CTNNA2: variants seen among roughly 807,000 people sequenced by gnomAD.
CTNNA2 encodes catenin alpha 2, also known as catenin alpha-2.
Under a neutral mutation model 101.0 loss-of-function variants are expected in CTNNA2, and 42 were observed. The observed-to-expected ratio is 0.42, with a 90% confidence interval of 0.32 to 0.54. The LOEUF (loss-of-function observed/expected upper bound fraction) is 0.54, where lower values mean the gene tolerates loss of function less well. CTNNA2 is among the 20% of genes least tolerant of loss of function. The pLI is 0.14. For missense variants in CTNNA2, 871 were observed against 1,223.1 expected (o/e 0.71, Z 4.29); for synonymous variants, 450 against 456.4 (o/e 0.99, Z 0.18).
chr2:79,896,984 G>A (rs1226143499), intron 6 of CTNNA2, among the ~76,000 whole-genome samples: 3 of 152,250 alleles, frequency 2.0e-5, no homozygotes, highest in Admixed American at 6.5e-5. Context: ...GACTTGCGCC[G>A]GATTGCTGAG....
intron 18 of CTNNA2, among the ~76,000 whole-genome samples, chr2:80,644,040 G>T (rs912405871): frequency 2.6e-5 from 4 of 152,126 alleles, no homozygotes. Flanking sequence ...ATTTTGGATA[G>T]GCAATAACTA....
intron 7 of CTNNA2, among the ~76,000 whole-genome samples, chr2:80,158,622 C>T (rs1245883333): frequency 6.6e-6 from 1 of 152,152 alleles, no homozygotes; most frequent in Admixed American, 6.6e-5. Flanking sequence ...TTAAGAATGT[C>T]ATACAGGCCG....
chr2:80,606,508 A>T (rs2149781270), intron 16 of CTNNA2, among the ~76,000 whole-genome samples: 1 of 151,854 alleles, frequency 6.6e-6, no homozygotes, highest in Non-Finnish European at 1.5e-5. Context: ...GTTTAAACCT[A>T]ATCCTCTTTG....
rs372043593 is a variant in CTNNA2 at position 80,531,715 on chromosome 2, G to A, written c.1291-13267G>A. 2.6e-4 allele frequency among the ~76,000 whole-genome samples: 40 copies of A among 152,290 alleles called. No homozygotes were observed. In the South Asian group the frequency reaches 7.7e-3, roughly 29 times the overall value. ...CTTTGTGCTTTAAGGAGACCTGGGA[G>A]GGGCACATATTTTTATTCTTTAAGA... On this transcript the variant is annotated intron_variant, in intron 9 of 18. Coordinates refer to ENST00000402739, the MANE Select transcript of CTNNA2 (RefSeq NM_001282597.3).
intron 9 of CTNNA2, among the ~76,000 whole-genome samples, chr2:80,495,421 C>T (rs1687372907): frequency 6.6e-6 from 1 of 152,136 alleles, no homozygotes; most frequent in African/African-American, 2.4e-5. Flanking sequence ...AAAGAAACAA[C>T]TGTAGAAGAT....
At chr2:79,681,218 T>A (rs1269654977) in intron 2 of CTNNA2, among the ~76,000 whole-genome samples, 1 of 152,168 alleles carries the variant, frequency 6.6e-6, no homozygotes, top group Non-Finnish European at 1.5e-5. Flanking sequence ...ACTTTTCTAC[T>A]AATTTTTTTA....
chr2:80,511,613 A>T (rs1214816448), intron 9 of CTNNA2, among the ~76,000 whole-genome samples: 1 of 152,240 alleles, frequency 6.6e-6, no homozygotes, highest in African/African-American at 2.4e-5. Context: ...AAATAGGGAC[A>T]TACTAAAAAT....
At chr2:79,216,044 A>C (rs1298104467) in intron 2 of CTNNA2, among the ~76,000 whole-genome samples, 1 of 152,086 alleles carries the variant, frequency 6.6e-6, no homozygotes, top group Non-Finnish European at 1.5e-5. Context: ...CTGATGTGTA[A>C]AAGAATGCCT....
intron 1 of CTNNA2, chr2:79,575,685 A>G (rs1293955857): frequency 1.3e-5 from 2 of 152,216 alleles, no homozygotes; most frequent in African/African-American, 4.8e-5. Context: ...TGCACATCGC[A>G]ATACTCATCA....
At chr2:79,193,093 A>C (rs1572972052) in intron 1 of CTNNA2, among the ~76,000 whole-genome samples, 1 of 152,152 alleles carries the variant, frequency 6.6e-6, no homozygotes, top group Non-Finnish European at 1.5e-5. Flanking sequence ...AGTTTACACT[A>C]TATGTAAATA....
intron 1 of CTNNA2, among the ~76,000 whole-genome samples, chr2:79,195,558 T>C (rs1204247817): frequency 6.6e-6 from 1 of 152,156 alleles, no homozygotes; most frequent in Non-Finnish European, 1.5e-5. Flanking sequence ...AAGAAATGTA[T>C]TTGCTGCCTG....
At position 79,354,484 on chromosome 2, in the gene CTNNA2, A is replaced by G. The variant is rs576504609; in HGVS notation, c.-317-19347A>G. On this transcript the variant is annotated intron_variant, in intron 3 of 21. Coordinates refer to the CTNNA2 transcript ENST00000466387. ...GTGTATTCTATTTTAAATGCTTCCA[A>G]CTGTATTATAGAATTCCTGTAGTGA... Among the ~76,000 whole-genome samples the G allele has an allele frequency of 1.4e-4, 21 of 152,104 alleles. No individual in the cohort carries two copies. In the South Asian group the frequency reaches 4.4e-3, roughly 32 times the overall value.
intron 7 of CTNNA2, among the ~76,000 whole-genome samples, chr2:80,031,363 A>C (rs1695274000): frequency 6.6e-6 from 1 of 152,228 alleles, no homozygotes; most frequent in Admixed American, 6.5e-5. Context: ...TAATGGACTT[A>C]ACAGTTCCAC....
At position 79,774,948 on chromosome 2, in the gene CTNNA2, T is replaced by G. The variant is rs182227997; in HGVS notation, c.298+30366T>G. On this transcript the variant is annotated intron_variant, in intron 3 of 18. Coordinates refer to ENST00000402739, the MANE Select transcript of CTNNA2 (RefSeq NM_001282597.3). ...ATATTGCAGATTGCGTCAGTAACAT[T>G]AGGGGTCATTTTTATCACCAATGAA... Among the ~76,000 whole-genome samples, 171 of 152,258 alleles carry G rather than the reference T, an allele frequency of 1.1e-3. 1 individual carries two copies. The highest frequency in any genetic ancestry group is 3.8e-3 in the African/African-American group (158 of 41,558).
intron 7 of CTNNA2, among the ~76,000 whole-genome samples, chr2:80,178,404 A>C (rs1183978133): frequency 6.6e-6 from 1 of 152,186 alleles, no homozygotes; most frequent in Non-Finnish European, 1.5e-5. Flanking sequence ...TCTCTCAAAA[A>C]GGAGATTAGT....
At chr2:79,196,489 A>G (rs1673963203) in intron 1 of CTNNA2, among the ~76,000 whole-genome samples, 1 of 152,158 alleles carries the variant, frequency 6.6e-6, no homozygotes, top group East Asian at 1.9e-4. Context: ...GTTCCCTCCT[A>G]TCATGTGAAT....
At chr2:80,349,312 T>G (rs1673066875) in intron 7 of CTNNA2, among the ~76,000 whole-genome samples, 2 of 152,180 alleles carry the variant, frequency 1.3e-5, no homozygotes, top group South Asian at 4.1e-4. Flanking sequence ...GCTTCATGTT[T>G]CTCCATAGCA....
chr2:79,465,728 T>C (rs1207307719), intron 4 of CTNNA2, among the ~76,000 whole-genome samples: 1 of 152,184 alleles, frequency 6.6e-6, no homozygotes, highest in East Asian at 1.9e-4. Flanking sequence ...CTAGATATTT[T>C]ATTCTCTTTG....
At chr2:79,249,723 C>T (rs1674745078) in intron 2 of CTNNA2, among the ~76,000 whole-genome samples, 1 of 152,156 alleles carries the variant, frequency 6.6e-6, no homozygotes, top group Admixed American at 6.6e-5. Flanking sequence ...TGATTTTACT[C>T]TCTTTTTATT....
Sources: gnomAD v4.1 joint callset for allele counts (sites outside exome capture counted in the v4.1 genomes callset) on GRCh38, gnomAD v4.1.1 for gene constraint, MANE v1.5 for transcripts, NCBI Gene and HGNC (gene_info 2026-07-23, HGNC 2026-07-21) for gene names.